NR4A3: variants seen among roughly 807,000 people sequenced by gnomAD.
The protein encoded by NR4A3 is nuclear receptor subfamily 4 group A member 3.
A neutral mutation model predicts 55.6 loss-of-function variants in NR4A3; 13 were observed. The observed-to-expected ratio is 0.23, with a 90% CI of 0.15 to 0.37. The LOEUF is 0.37. Ranked by LOEUF, NR4A3 falls within the 10% of genes least tolerant of loss-of-function variation. NR4A3 has a pLI of 1.00. For synonymous variants in NR4A3, 342 were observed against 357.9 expected (o/e 0.96, Z 0.50); for missense variants, 646 against 822.8 (o/e 0.79, Z 2.63).
intron 2 of NR4A3, among the ~76,000 whole-genome samples, chr9:99,827,155 TC>T (rs1180465393): frequency 6.6e-6 from 1 of 152,150 alleles, no homozygotes; most frequent in African/African-American, 2.4e-5. Flanking sequence ...AATTCTAGTG[TC>T]ATAAGGAAAT....
At position 99,828,105 on chromosome 9, in the gene NR4A3, A is replaced by C; in HGVS notation, c.63A>C (p.Thr21=). 1.2e-6 allele frequency: 2 copies of C among 1,614,108 alleles called. No homozygotes were observed. Among genetic ancestry groups the C allele is most frequent in the Non-Finnish European group, 1.7e-6 (2 of 1,180,016 alleles). ...SPPGSSYAAQ[T]YSSEYTTEIM... is the part of the protein sequence containing the mutation. ...CAGGTTCCAGTTATGCGGCGCAGACATACAGCTCGGAATACACCACGGAGA... is the reference window on the plus strand; with the variant it reads ...CAGGTTCCAGTTATGCGGCGCAGACCTACAGCTCGGAATACACCACGGAGA... The change falls in exon 3 of 8, where the codon ACA becomes ACC. Residue 21 remains threonine (T), a synonymous_variant. Transcript: ENST00000395097. This position sits in a 1 kb window ranked among gnomAD's most constrained non-coding sequence, Gnocchi z 7.7.
intron 5 of NR4A3, among the ~76,000 whole-genome samples, chr9:99,836,622 G>T (rs1181836574): frequency 6.6e-6 from 1 of 152,238 alleles, no homozygotes. Flanking sequence ...ATGGCAAAAA[G>T]AACTATTCTC....
rs1450382941 is a variant in NR4A3, at chr9:99,833,465, T to C, written c.1254+11T>C. ...CTTGATTATTCCAGAGTAAGTTTTA[T>C]GATTTCCTGCTTTCAAATGAATGAT... On this transcript the variant is annotated intron_variant, in intron 5 of 7. Coordinates refer to ENST00000395097, the MANE Select transcript of NR4A3 (RefSeq NM_006981.4). 3.7e-6 allele frequency: 6 copies of C among 1,614,036 alleles called. No homozygotes were observed. Among genetic ancestry groups the C allele is most frequent in the Non-Finnish European group, 4.2e-6 (5 of 1,179,980 alleles).
intron 5 of NR4A3, 64 bp downstream of exon 5, chr9:99,833,518 A>G: frequency 6.2e-7 from 1 of 1,613,798 alleles, no homozygotes; most frequent in Non-Finnish European, 8.5e-7. Context: ...GCTACTAGTA[A>G]TAAGAGTTGA....
At chr9:99,824,199 G>C (rs1404617260) in intron 1 of NR4A3, among the ~76,000 whole-genome samples, 1 of 152,178 alleles carries the variant, frequency 6.6e-6, no homozygotes, top group Non-Finnish European at 1.5e-5. Context: ...CGCTGGGCTG[G>C]GCTGGAGGAA....
In NR4A3 at chr9:99,828,175, A is replaced by G. The variant is rs746483136; in HGVS notation, c.133A>G (p.Thr45Ala). 2.5e-6 allele frequency: 4 copies of G among 1,614,032 alleles called. No homozygotes were observed. Among genetic ancestry groups the G allele is most frequent in the Non-Finnish European group, 3.4e-6 (4 of 1,180,034 alleles). Residue 45 changes from threonine (T) to alanine (A), a missense_variant, in exon 3 of 8, where the codon ACT becomes GCT. Thr to Ala is a moderately conservative substitution (Grantham distance 58). This residue lies in a region of NR4A3 where 426 missense variants were observed against 429.4 expected (regional missense o/e 0.99). Transcript: ENST00000395097. The surrounding 1 kb of genome is among the most constrained non-coding windows in gnomAD (Gnocchi z 7.7). ...CAAGCTGACCATGGACCTTGGCAGC[A>G]CTGAGATCACGGCTACAGCCACCAC... is the stretch of plus-strand genomic sequence containing the variant. ...YTKLTMDLGSTEITATATTSL... is the reference protein window; with the variant it reads ...YTKLTMDLGSAEITATATTSL...
In NR4A3 at chr9:99,863,772, C is replaced by T. The variant is rs1828047918; in HGVS notation, c.1786C>T (p.Leu596=). The part of the protein sequence containing the change: ...ALVELRKICT[L]GLQRIFYLKL... Reference sequence around the variant, plus strand: ...GGTAGAACTGAGGAAGATCTGCACCCTGGGCCTCCAGCGCATCTTCTACCT... The same window carrying T: ...GGTAGAACTGAGGAAGATCTGCACCTTGGGCCTCCAGCGCATCTTCTACCT... The change falls in exon 8 of 8, where the codon CTG becomes TTG. Residue 596 remains leucine, a synonymous_variant. Coordinates refer to ENST00000395097, the MANE Select transcript of NR4A3 (RefSeq NM_006981.4). The T allele has an allele frequency of 6.2e-7, 1 of 1,613,752 alleles. No individual in the cohort carries two copies. Among genetic ancestry groups the T allele is most frequent in the Non-Finnish European group, 8.5e-7 (1 of 1,179,964 alleles).
intron 5 of NR4A3, among the ~76,000 whole-genome samples, chr9:99,840,853 G>A (rs1293349820): frequency 6.6e-6 from 1 of 152,172 alleles, no homozygotes; most frequent in Non-Finnish European, 1.5e-5. Context: ...TGGAGAGCCT[G>A]TGGAATTATT....
intron 3 of NR4A3, 131 bp downstream of exon 3, chr9:99,829,124 C>T (rs763939265): frequency 1.5e-5 from 16 of 1,076,800 alleles, no homozygotes; most frequent in Non-Finnish European, 1.9e-5. Flanking sequence ...TTCCTACAGC[C>T]CTTCCTAGCA....
At chr9:99,863,254 C>T (rs1253580853) in intron 7 of NR4A3, among the ~76,000 whole-genome samples, 1 of 152,186 alleles carries the variant, frequency 6.6e-6, no homozygotes. Context: ...ATAATAACCA[C>T]CCTGCCATTC....
chr9:99,855,831 G>A (rs1827919780), intron 7 of NR4A3, among the ~76,000 whole-genome samples: 2 of 152,186 alleles, frequency 1.3e-5, no homozygotes, highest in Admixed American at 1.3e-4. Context: ...CCCTTTGGCT[G>A]GAACAGCATT....
intron 5 of NR4A3, among the ~76,000 whole-genome samples, chr9:99,841,831 G>A (rs772814038): frequency 2.0e-5 from 3 of 152,284 alleles, no homozygotes; most frequent in Middle Eastern, 3.4e-3. Context: ...TTAGATGGGC[G>A]TGGTGGTTCC....
At chr9:99,844,616 G>A (rs374502355) in intron 5 of NR4A3, 33 bp from the exon 6 acceptor site, 1 of 1,590,776 alleles carries the variant, frequency 6.3e-7, no homozygotes. Flanking sequence ...CACTGAAGCA[G>A]GATAATGCTG....
intron 3 of NR4A3, among the ~76,000 whole-genome samples, chr9:99,830,204 T>C (rs372172248): frequency 1.5e-3 from 221 of 152,336 alleles, no homozygotes; most frequent in African/African-American, 4.6e-3. Flanking sequence ...CAATAGGATA[T>C]ATCTGGGAGT....
chr9:99,824,709 C>T (rs1482475293), intron 1 of NR4A3, among the ~76,000 whole-genome samples: 1 of 152,230 alleles, frequency 6.6e-6, no homozygotes, highest in African/African-American at 2.4e-5. Flanking sequence ...TCCCACTCTT[C>T]GAGCTGCGCC....
rs1041385831 is a variant in NR4A3 at position 99,825,956 on chromosome 9, T to C, written c.-3+124T>C. ...CAGGACAGTGACTGCTGGCCGCGAA[T>C]TTCACAACACAGGTGGCTTCCTCAC... On this transcript the variant is annotated intron_variant, in intron 2 of 7. Transcript: ENST00000395097. The surrounding 1 kb of genome is among the most constrained non-coding windows in gnomAD (Gnocchi z 5.0). 2 of 187,658 alleles carry C rather than the reference T, an allele frequency of 1.1e-5. No individual in the cohort carries two copies. The highest frequency in any genetic ancestry group is 2.3e-5 in the Non-Finnish European group (2 of 88,794). The allele number at this position is 187,658 out of a possible 1,614,324, so 11.6% of individuals were successfully genotyped here. A position where few individuals can be genotyped will look rare whatever the true frequency, so the allele number is the denominator to read the frequency against.
Position 99,866,114 on chromosome 9 carries a change from AC to A in NR4A3, c.*2248del. ...CTGAAGATAACCATGAGTAAAGTATACTTTTGCATTAATTTTTTGAGCTTAT... is the reference window on the plus strand; with the variant it reads ...CTGAAGATAACCATGAGTAAAGTATATTTTGCATTAATTTTTTGAGCTTAT... On this transcript the variant is annotated 3_prime_UTR_variant, in exon 8 of 8. Coordinates refer to ENST00000395097, the MANE Select transcript of NR4A3 (RefSeq NM_006981.4). 1 of 212,466 alleles carries A rather than the reference AC, an allele frequency of 4.7e-6. No individual in the cohort carries two copies. The highest frequency in any genetic ancestry group is 9.5e-6 in the Non-Finnish European group (1 of 104,734). The allele number at this position is 212,466 out of a possible 1,614,324, so 13.2% of individuals were successfully genotyped here.
At chr9:99,824,111 G>A (rs983406496) in intron 1 of NR4A3, among the ~76,000 whole-genome samples, 6 of 152,182 alleles carry the variant, frequency 3.9e-5, no homozygotes, top group Non-Finnish European at 7.3e-5. Flanking sequence ...CCGCAAGCAG[G>A]AGCGGCGGAA....
In NR4A3 at chr9:99,821,991, C is replaced by G. The variant is rs1392154692; in HGVS notation, c.-593C>G. ...ACGCGCTCACACCCGCTCCCTCACT[C>G]GCACACACAGACACAAGCGCGCACA... On this transcript the variant is annotated 5_prime_UTR_variant, in exon 1 of 8. Transcript: ENST00000395097. The G allele has an allele frequency of 6.6e-6, 1 of 151,452 alleles. No individual in the cohort carries two copies. The highest frequency in any genetic ancestry group is 2.1e-4 in the South Asian group (1 of 4,792). The allele number at this position is 151,452 out of a possible 1,614,324, so 9.4% of individuals were successfully genotyped here. A position where few individuals can be genotyped will look rare whatever the true frequency, so the allele number is the denominator to read the frequency against.
Sources: allele counts gnomAD v4.1 joint callset (sites outside exome capture counted in the v4.1 genomes callset), GRCh38; gene constraint gnomAD v4.1.1; regional missense constraint gnomAD v4.1.1; non-coding constraint Gnocchi (gnomAD v3.1); transcripts MANE v1.5; gene names NCBI Gene and HGNC (gene_info 2026-07-23, HGNC 2026-07-21).